Variants in TRIM2 observed in about 807,000 individuals in gnomAD.
TRIM2 encodes the protein tripartite motif-containing protein 2.
In TRIM2, 20 loss-of-function variants were observed where a neutral mutation model predicts 75.2. The observed-to-expected ratio is 0.27, with a 90% confidence interval of 0.19 to 0.39. The LOEUF (loss-of-function observed/expected upper bound fraction) is 0.39. TRIM2 is among the 10% of genes least tolerant of loss of function. TRIM2 has a pLI of 1.00. For synonymous variants in TRIM2, 373 were observed against 388.3 expected, an observed-to-expected ratio of 0.96 and a Z score of 0.46; for missense variants, 660 against 990.8, an observed-to-expected ratio of 0.67 and a Z score of 4.48.
At chr4:153,318,289 C>A (rs1389697826) in intron 8 of TRIM2, among the ~76,000 whole-genome samples, 5 of 152,220 alleles carry the variant, frequency 3.3e-5, no homozygotes, top group Non-Finnish European at 7.3e-5. Context: ...CTGCTGTAGT[C>A]CCCTCATTGT....
intron 9 of TRIM2, among the ~76,000 whole-genome samples, chr4:153,323,456 T>G (rs188148178): frequency 4.1e-4 from 63 of 152,236 alleles, no homozygotes; most frequent in Non-Finnish European, 3.7e-4. Context: ...CCCAGAATTA[T>G]AGTGTGGGTT....
At chr4:153,287,993 TG>T (rs1298813865) in intron 3 of TRIM2, among the ~76,000 whole-genome samples, 1 of 152,234 alleles carries the variant, frequency 6.6e-6, no homozygotes, top group East Asian at 1.9e-4. Flanking sequence ...TTTGTATTTC[TG>T]GTAATGTGTT....
At chr4:153,162,722 G>A (rs1289965981) in intron 1 of TRIM2, among the ~76,000 whole-genome samples, 1 of 152,206 alleles carries the variant, frequency 6.6e-6, no homozygotes, top group East Asian at 1.9e-4. Flanking sequence ...CAGAGCAAGT[G>A]GACTTCAGGC....
Position 153,338,303 on chromosome 4 carries a change from T to G in TRIM2, c.*3337T>G, listed in dbSNP as rs146225563. Reference sequence around the variant, plus strand: ...AATAAACATTAGGTAATCTGCAGATTACTTCAAATGGGAAAAATCTTTTTG... The same window carrying G: ...AATAAACATTAGGTAATCTGCAGATGACTTCAAATGGGAAAAATCTTTTTG... On this transcript the variant is annotated 3_prime_UTR_variant, in exon 12 of 12. Coordinates refer to ENST00000338700, the MANE Select transcript of TRIM2 (RefSeq NM_015271.5). 1.0e-6 allele frequency: 1 copy of G among 985,864 alleles called. No homozygotes were observed. The allele number at this position is 985,864 out of a possible 1,614,324, so 61.1% of individuals were successfully genotyped here. A position where few individuals can be genotyped will look rare whatever the true frequency, so the allele number is the denominator to read the frequency against.
At chr4:153,218,873 A>T (rs1739204158) in intron 1 of TRIM2, among the ~76,000 whole-genome samples, 1 of 152,160 alleles carries the variant, frequency 6.6e-6, no homozygotes, top group South Asian at 2.1e-4. Context: ...TCTACTACTC[A>T]AAGAAGAAAA....
At chr4:153,305,864 G>C (rs1764866466) in intron 6 of TRIM2, among the ~76,000 whole-genome samples, 1 of 152,178 alleles carries the variant, frequency 6.6e-6, no homozygotes, top group African/African-American at 2.4e-5. Context: ...GAGATCAAAA[G>C]TTTAATTGCT....
chr4:153,194,167 G>A (rs2149665790), intron 1 of TRIM2, among the ~76,000 whole-genome samples: 1 of 152,278 alleles, frequency 6.6e-6, no homozygotes, highest in Admixed American at 6.5e-5. Context: ...TGGGGAAAGA[G>A]TGAAGAAGGA....
At chr4:153,318,809 G>C (rs1182201280) in intron 8 of TRIM2, among the ~76,000 whole-genome samples, 3 of 152,182 alleles carry the variant, frequency 2.0e-5, no homozygotes, top group Non-Finnish European at 4.4e-5. Flanking sequence ...TAGTCTATCT[G>C]TAATAGACAC....
intron 1 of TRIM2, among the ~76,000 whole-genome samples, chr4:153,261,147 C>T (rs937139457): frequency 5.8e-4 from 88 of 152,180 alleles, no homozygotes; most frequent in African/African-American, 1.9e-3. Context: ...CTGGGCCAGG[C>T]ACAATGACTC....
chr4:153,197,925 A>G (rs893178287), intron 1 of TRIM2, among the ~76,000 whole-genome samples: 3 of 152,138 alleles, frequency 2.0e-5, no homozygotes, highest in African/African-American at 7.2e-5. Context: ...TGCCCCTTCT[A>G]CCTTGTGAGG....
chr4:153,180,124 G>T (rs1339475236), intron 1 of TRIM2, among the ~76,000 whole-genome samples: 1 of 152,210 alleles, frequency 6.6e-6, no homozygotes, highest in Non-Finnish European at 1.5e-5. Context: ...GGAGAGTCAA[G>T]TGATAACACT....
intron 8 of TRIM2, among the ~76,000 whole-genome samples, chr4:153,321,904 C>CA (rs1187854927): frequency 1.8e-4 from 28 of 152,250 alleles, no homozygotes; most frequent in Middle Eastern, 3.4e-3. Flanking sequence ...ATTTTTTGGA[C>CA]ATTTTTTAAT....
At chr4:153,177,664 G>A (rs978796011) in intron 1 of TRIM2, among the ~76,000 whole-genome samples, 1 of 151,486 alleles carries the variant, frequency 6.6e-6, no homozygotes, top group Non-Finnish European at 1.5e-5. Flanking sequence ...AAAAAATCAG[G>A]AGTCCTAGAA....
chr4:153,226,445 C>G (rs932295433), intron 1 of TRIM2, among the ~76,000 whole-genome samples: 2 of 152,186 alleles, frequency 1.3e-5, no homozygotes, highest in African/African-American at 4.8e-5. Context: ...ACGAACTAAC[C>G]TAAGACATGC....
intron 1 of TRIM2, among the ~76,000 whole-genome samples, chr4:153,192,102 C>G (rs1733251554): frequency 6.6e-6 from 1 of 152,144 alleles, no homozygotes; most frequent in African/African-American, 2.4e-5. Context: ...TAGTGAAACC[C>G]CAGAGCAACA....
intron 1 of TRIM2, among the ~76,000 whole-genome samples, chr4:153,224,841 A>G (rs905492532): frequency 6.6e-6 from 1 of 152,232 alleles, no homozygotes; most frequent in Non-Finnish European, 1.5e-5. Flanking sequence ...TAAGACACTA[A>G]ATATAAATGG....
intron 1 of TRIM2, among the ~76,000 whole-genome samples, chr4:153,176,310 A>G (rs1731429000): frequency 6.6e-6 from 1 of 152,014 alleles, no homozygotes; most frequent in South Asian, 2.1e-4. Context: ...AAAATTAGCC[A>G]AGTGCAGTGA....
intron 1 of TRIM2, among the ~76,000 whole-genome samples, chr4:153,216,302 A>T (rs1738447718): frequency 6.6e-6 from 1 of 152,144 alleles, no homozygotes; most frequent in South Asian, 2.1e-4. Context: ...GTATGCTCTT[A>T]CTCTAATGGA....
Position 153,339,189 on chromosome 4 carries a change from T to C in TRIM2, c.*4223T>C. The C allele has an allele frequency of 1.0e-6, 1 of 985,908 alleles. No individual in the cohort carries two copies. The highest frequency in any genetic ancestry group is 1.2e-6 in the Non-Finnish European group (1 of 829,926). 61.1% of individuals were successfully genotyped at this position (985,908 alleles called of 1,614,324 possible). On this transcript the variant is annotated 3_prime_UTR_variant, in exon 12 of 12. Coordinates refer to ENST00000338700, the MANE Select transcript of TRIM2 (RefSeq NM_015271.5). ...GTAGCTACATACGTACCACAGTATTTTGGATGCTTTAGTCTACAATGAAAC... is the reference window on the plus strand; with the variant it reads ...GTAGCTACATACGTACCACAGTATTCTGGATGCTTTAGTCTACAATGAAAC...
Sources: allele counts gnomAD v4.1 joint callset (sites outside exome capture counted in the v4.1 genomes callset), GRCh38; gene constraint gnomAD v4.1.1; transcripts MANE v1.5; gene names NCBI Gene and HGNC (gene_info 2026-07-23, HGNC 2026-07-21).